The following IGSF11 variants were observed in gnomAD, a reference collection of about 807,000 sequenced individuals.
IGSF11 encodes CXADR like 1.
In IGSF11, 22 loss-of-function variants were observed where a neutral mutation model predicts 41.0. That is an observed-to-expected ratio of 0.54 (90% CI 0.38 to 0.77). The LOEUF (loss-of-function observed/expected upper bound fraction) is 0.77, where lower values mean the gene tolerates loss of function less well. Ranked by LOEUF, IGSF11 falls within the 30% of genes least tolerant of loss-of-function variation. The pLI is 0.00. For synonymous variants in IGSF11, 219 were observed against 201.3 expected, an observed-to-expected ratio of 1.09 and a Z score of -0.74; for missense variants, 444 against 530.8, an observed-to-expected ratio of 0.84 and a Z score of 1.61.
intron 1 of IGSF11, among the ~76,000 whole-genome samples, chr3:118,980,265 A>C (rs1014536198): frequency 2.6e-5 from 4 of 152,224 alleles, no homozygotes; most frequent in African/African-American, 9.6e-5. Flanking sequence ...AAAGATATGG[A>C]ATCAACCTAA....
intron 1 of IGSF11, among the ~76,000 whole-genome samples, chr3:119,095,205 T>C (rs2076830760): frequency 6.6e-6 from 1 of 152,202 alleles, no homozygotes; most frequent in African/African-American, 2.4e-5. Flanking sequence ...TATCTGAGAA[T>C]GTATAATCTT....
At chr3:118,997,399 C>T (rs920272676) in intron 1 of IGSF11, among the ~76,000 whole-genome samples, 1 of 152,184 alleles carries the variant, frequency 6.6e-6, no homozygotes, top group African/African-American at 2.4e-5. Flanking sequence ...TCTAGGTCAG[C>T]ATTTCAAGGA....
intron 4 of IGSF11, among the ~76,000 whole-genome samples, chr3:118,922,342 A>C (rs1482716259): frequency 1.3e-5 from 2 of 152,122 alleles, no homozygotes; most frequent in African/African-American, 4.8e-5. Flanking sequence ...TTTGATATAC[A>C]TATATACTGT....
At chr3:118,916,423 A>C (rs371272862) in intron 4 of IGSF11, among the ~76,000 whole-genome samples, 11 of 152,098 alleles carry the variant, frequency 7.2e-5, no homozygotes, top group Admixed American at 5.9e-4. Context: ...TCTACCAAGC[A>C]AATGGAAAAC....
chr3:118,961,172 G>A (rs1945309072), intron 1 of IGSF11, among the ~76,000 whole-genome samples: 1 of 152,240 alleles, frequency 6.6e-6, no homozygotes, highest in Non-Finnish European at 1.5e-5. Context: ...CATTGCTGTT[G>A]TCAGCTACAA....
chr3:118,963,465 T>C (rs528544094), intron 1 of IGSF11, among the ~76,000 whole-genome samples: 3 of 152,330 alleles, frequency 2.0e-5, no homozygotes, highest in South Asian at 2.1e-4. Context: ...TCAATTCATT[T>C]TGATCATGTG....
chr3:118,933,042 G>A (rs537911754), intron 1 of IGSF11, among the ~76,000 whole-genome samples: 5 of 152,352 alleles, frequency 3.3e-5, no homozygotes, highest in African/African-American at 9.6e-5. Context: ...GCAACAGGAC[G>A]GTTGGCACAG....
intron 1 of IGSF11, among the ~76,000 whole-genome samples, chr3:119,101,110 G>A (rs916739762): frequency 1.6e-4 from 24 of 152,158 alleles, no homozygotes; most frequent in African/African-American, 9.6e-5. Flanking sequence ...ACTTCTCTCC[G>A]TGCCACTGCC....
intron 1 of IGSF11, among the ~76,000 whole-genome samples, chr3:119,082,081 A>G (rs1247017855): frequency 1.3e-5 from 2 of 152,172 alleles, no homozygotes; most frequent in Non-Finnish European, 2.9e-5. Context: ...CAGTTTGCCT[A>G]TAGTTAGCTC....
intron 1 of IGSF11, among the ~76,000 whole-genome samples, chr3:119,130,104 T>G (rs961051501): frequency 1.6e-4 from 25 of 152,100 alleles, no homozygotes; most frequent in Admixed American, 6.5e-5. Context: ...GATGGCCGAA[T>G]AGGAACAGCT....
intron 1 of IGSF11, among the ~76,000 whole-genome samples, chr3:118,969,004 T>C (rs949727810): frequency 2.6e-5 from 4 of 152,180 alleles, no homozygotes; most frequent in Admixed American, 1.3e-4. Flanking sequence ...ACCCCATTAA[T>C]TAATGAGTAA....
At chr3:119,078,966 C>T (rs943039189) in intron 1 of IGSF11, among the ~76,000 whole-genome samples, 4 of 152,084 alleles carry the variant, frequency 2.6e-5, no homozygotes, top group African/African-American at 2.4e-5. Flanking sequence ...CCAACACGCA[C>T]ATGAAAAAAT....
Position 118,926,267 on chromosome 3 carries a change from A to T in IGSF11, c.425-11T>A. 1 of 1,572,200 alleles carries T rather than the reference A, an allele frequency of 6.4e-7. No individual in the cohort carries two copies. Among genetic ancestry groups the T allele is most frequent in the Non-Finnish European group, 8.7e-7 (1 of 1,153,592 alleles). On this transcript the variant is annotated splice_polypyrimidine_tract_variant and intron_variant, in intron 3 of 6. Transcript: ENST00000393775. ...GGGCAGAAGGGGGAACTATAACAGGAAGAATAAGCAATAAAGTACACATTT... is the reference window on the plus strand; with the variant it reads ...GGGCAGAAGGGGGAACTATAACAGGTAGAATAAGCAATAAAGTACACATTT...
intron 1 of IGSF11, among the ~76,000 whole-genome samples, chr3:119,079,249 C>T (rs2076551069): frequency 6.6e-6 from 1 of 151,896 alleles, no homozygotes. Flanking sequence ...ATCCCAGCTA[C>T]TTGGGAGGCT....
intron 1 of IGSF11, among the ~76,000 whole-genome samples, chr3:118,940,707 T>G (rs938074467): frequency 6.6e-6 from 1 of 151,982 alleles, no homozygotes; most frequent in Non-Finnish European, 1.5e-5. Flanking sequence ...AATATTAGAA[T>G]AGAATAATTT....
intron 4 of IGSF11, among the ~76,000 whole-genome samples, chr3:118,913,944 A>G (rs35750512): frequency 2.0e-5 from 3 of 152,214 alleles, no homozygotes; most frequent in African/African-American, 7.2e-5. Flanking sequence ...GGTCCAAAAA[A>G]TGGCTAATAG....
intron 1 of IGSF11, among the ~76,000 whole-genome samples, chr3:118,930,718 C>A (rs1238252181): frequency 6.6e-6 from 1 of 152,114 alleles, no homozygotes; most frequent in East Asian, 1.9e-4. Flanking sequence ...GTATACAATG[C>A]TAATAAAAGA....
chr3:118,912,504 C>T (rs1239863791), intron 4 of IGSF11, among the ~76,000 whole-genome samples: 2 of 152,154 alleles, frequency 1.3e-5, no homozygotes, highest in African/African-American at 2.4e-5. Flanking sequence ...GCCCAGCCGC[C>T]CGACCACACT....
At chr3:119,143,908 G>T (rs1576847560) in intron 1 of IGSF11, among the ~76,000 whole-genome samples, 1 of 152,076 alleles carries the variant, frequency 6.6e-6, no homozygotes, top group South Asian at 2.1e-4. Flanking sequence ...TAAACAAGAA[G>T]ACTTTATTTC....
Sources: allele counts gnomAD v4.1 joint callset (sites outside exome capture counted in the v4.1 genomes callset), GRCh38; gene constraint gnomAD v4.1.1; transcripts MANE v1.5; gene names NCBI Gene and HGNC (gene_info 2026-07-23, HGNC 2026-07-21).